CADM2: variants seen among roughly 807,000 people sequenced by gnomAD.
CADM2 encodes the protein immunoglobulin superfamily member 4D.
CADM2 carries 12 observed loss-of-function variants against 49.8 expected under a neutral mutation model. The ratio of observed to expected loss-of-function variants is 0.24; its 90% CI spans 0.15 to 0.39. CADM2 has a LOEUF of 0.39. Among genes scored for constraint, CADM2 ranks in the 10% least tolerant of loss-of-function variants. The probability of loss-of-function intolerance (pLI) is 1.00; values close to 1 mark genes in which losing one functional copy is unlikely to be tolerated. For missense variants in CADM2, 378 were observed against 492.3 expected (o/e 0.77, Z 2.20); for synonymous variants, 214 against 175.4 (o/e 1.22, Z -1.74).
chr3:85,693,585 G>C lies in CADM2; in HGVS notation c.62-32937G>C, dbSNP rs900761984. On this transcript the variant is annotated intron_variant, in intron 1 of 9. Transcript: ENST00000383699. ...AAAGAGCAAAAAAAAAAAAAAAAAA[G>C]AAAAGAAAAAATCAGAAGGAGGCTG... Among the ~76,000 whole-genome samples, 76 of 92,092 alleles carry C rather than the reference G, an allele frequency of 8.3e-4. 1 individual carries two copies. The highest frequency in any genetic ancestry group is 3.0e-3 in the African/African-American group (75 of 24,866). The allele number at this position is 92,092 out of a possible 152,430, so 60.4% of individuals were successfully genotyped here.
chr3:84,976,520 A>C (rs2107116983), intron 1 of CADM2, among the ~76,000 whole-genome samples: 1 of 151,916 alleles, frequency 6.6e-6, no homozygotes, highest in South Asian at 2.1e-4. Context: ...TATTTTATTA[A>C]GTATCAGAAA....
intron 6 of CADM2, among the ~76,000 whole-genome samples, chr3:85,931,154 C>T (rs990308526): frequency 2.0e-5 from 3 of 151,894 alleles, no homozygotes; most frequent in East Asian, 1.9e-4. Context: ...GGGAGGATCA[C>T]GTGAGGCCAG....
intron 1 of CADM2, among the ~76,000 whole-genome samples, chr3:85,459,626 C>T (rs2038148919): frequency 6.6e-6 from 1 of 152,216 alleles, no homozygotes; most frequent in Non-Finnish European, 1.5e-5. Context: ...TTCAATAAAA[C>T]TACACTACTT....
chr3:85,850,291 C>G (rs963294158), intron 3 of CADM2, among the ~76,000 whole-genome samples: 1 of 146,884 alleles, frequency 6.8e-6, no homozygotes, highest in Non-Finnish European at 1.5e-5. Context: ...CCTAACTGCT[C>G]TCTGTTCTGG....
chr3:85,443,538 T>C (rs1327631188), intron 1 of CADM2, among the ~76,000 whole-genome samples: 1 of 152,182 alleles, frequency 6.6e-6, no homozygotes, highest in Non-Finnish European at 1.5e-5. Context: ...TGCTTCACTA[T>C]TTTGCTTTTG....
intron 1 of CADM2, among the ~76,000 whole-genome samples, chr3:85,347,542 TATAA>T (rs2030823356): frequency 6.8e-6 from 1 of 146,662 alleles, no homozygotes; most frequent in Admixed American, 6.9e-5. Context: ...TACACACATA[TATAA>T]ATATATATAC....
chr3:86,032,701 G>A (rs1409278336), intron 8 of CADM2, among the ~76,000 whole-genome samples: 2 of 151,794 alleles, frequency 1.3e-5, no homozygotes, highest in African/African-American at 4.8e-5. Context: ...ACTACACTTT[G>A]AAATGAAGCT....
At chr3:85,270,069 A>G (rs1049235278) in intron 1 of CADM2, among the ~76,000 whole-genome samples, 2 of 151,250 alleles carry the variant, frequency 1.3e-5, no homozygotes, top group African/African-American at 4.8e-5. Flanking sequence ...GAGATCATCT[A>G]TTGTGCCTAA....
intron 1 of CADM2, among the ~76,000 whole-genome samples, chr3:85,552,739 C>T (rs766792450): frequency 7.9e-5 from 12 of 151,550 alleles, no homozygotes; most frequent in Admixed American, 2.0e-4. Flanking sequence ...TGCAGTGGTG[C>T]GATCCCGGCT....
At chr3:85,169,219 C>T (rs1295232816) in intron 1 of CADM2, among the ~76,000 whole-genome samples, 1 of 152,124 alleles carries the variant, frequency 6.6e-6, no homozygotes, top group East Asian at 1.9e-4. Flanking sequence ...GTGTCGAACT[C>T]TTGAACTCAA....
chr3:85,342,577 G>A (rs1239288213), intron 1 of CADM2, among the ~76,000 whole-genome samples: 1 of 152,064 alleles, frequency 6.6e-6, no homozygotes, highest in Non-Finnish European at 1.5e-5. Context: ...TCTTCATAAA[G>A]TACTAACTGT....
At chr3:85,481,720 A>G (rs552691586) in intron 1 of CADM2, among the ~76,000 whole-genome samples, 1 of 151,850 alleles carries the variant, frequency 6.6e-6, no homozygotes, top group African/African-American at 2.4e-5. Flanking sequence ...TTTCAAGCAT[A>G]TTTAAATTCT....
At chr3:85,168,119 G>A (rs376280792) in intron 1 of CADM2, among the ~76,000 whole-genome samples, 12 of 151,990 alleles carry the variant, frequency 7.9e-5, no homozygotes, top group African/African-American at 1.2e-4. Context: ...GCAGTGGCTC[G>A]ATCTGGGCTC....
intron 1 of CADM2, among the ~76,000 whole-genome samples, chr3:85,198,811 A>G (rs2041411968): frequency 2.6e-5 from 4 of 151,828 alleles, no homozygotes; most frequent in South Asian, 2.1e-4. Context: ...TTTTTTTATA[A>G]TTAACAATTT....
At chr3:85,039,717 T>C (rs975889653) in intron 1 of CADM2, among the ~76,000 whole-genome samples, 5 of 152,170 alleles carry the variant, frequency 3.3e-5, no homozygotes, top group African/African-American at 1.2e-4. Flanking sequence ...GTGTGTTCCA[T>C]CTGTAATGTT....
intron 3 of CADM2, among the ~76,000 whole-genome samples, chr3:85,857,352 C>G (rs559320984): frequency 6.6e-6 from 1 of 152,270 alleles, no homozygotes; most frequent in African/African-American, 2.4e-5. Context: ...AGTCAAGATA[C>G]TAGTCAAAAT....
At chr3:85,114,398 T>C (rs535525300) in intron 1 of CADM2, among the ~76,000 whole-genome samples, 14 of 152,258 alleles carry the variant, frequency 9.2e-5, no homozygotes, top group South Asian at 2.1e-4. Context: ...AGGTAGTTGG[T>C]TCTCTTGTCA....
intron 1 of CADM2, 122 bp from the exon 2 acceptor site, chr3:85,726,400 A>G (rs2067697294): frequency 5.7e-6 from 6 of 1,044,744 alleles, no homozygotes; most frequent in Non-Finnish European, 8.8e-6. Flanking sequence ...GCTGTTGATC[A>G]TGAAATCACA....
intron 3 of CADM2, among the ~76,000 whole-genome samples, chr3:85,828,556 T>C (rs1350916778): frequency 6.6e-6 from 1 of 151,954 alleles, no homozygotes; most frequent in Non-Finnish European, 1.5e-5. Flanking sequence ...TCTACTCAGC[T>C]AGAAACTTTA....
Sources: allele counts gnomAD v4.1 joint callset (sites outside exome capture counted in the v4.1 genomes callset), GRCh38; gene constraint gnomAD v4.1.1; transcripts MANE v1.5; gene names NCBI Gene and HGNC (gene_info 2026-07-23, HGNC 2026-07-21).